DSCAM: variants seen among roughly 807,000 people sequenced by gnomAD.
The protein encoded by DSCAM is cell adhesion molecule DSCAM.
DSCAM carries 47 observed loss-of-function variants against 217.7 expected under a neutral mutation model. That is an observed-to-expected ratio of 0.22 (90% CI 0.17 to 0.28). The LOEUF (loss-of-function observed/expected upper bound fraction) is 0.28. DSCAM is among the 10% of genes least tolerant of loss of function. The pLI, the probability that DSCAM is intolerant of heterozygous loss-of-function variation, is 1.00. For synonymous variants in DSCAM, 1,056 were observed against 1,015.3 expected (o/e 1.04, Z -0.76); for missense variants, 2,080 against 2,618.3 (o/e 0.79, Z 4.49).
chr21:40,423,800 T>C (rs559149906), intron 3 of DSCAM, among the ~76,000 whole-genome samples: 2 of 152,176 alleles, frequency 1.3e-5, no homozygotes, highest in East Asian at 3.9e-4. Context: ...TGATCAGTGA[T>C]GTAACAAAAT....
chr21:40,202,115 C>A (rs191522355), intron 11 of DSCAM, among the ~76,000 whole-genome samples: 1 of 152,156 alleles, frequency 6.6e-6, no homozygotes, highest in Non-Finnish European at 1.5e-5. Flanking sequence ...ACCCATGTGG[C>A]CTATGGAGAG....
intron 3 of DSCAM, among the ~76,000 whole-genome samples, chr21:40,679,169 T>A (rs555269781): frequency 1.3e-5 from 2 of 152,110 alleles, no homozygotes; most frequent in African/African-American, 4.8e-5. Context: ...GAAAAAAATA[T>A]AGAAAAGCAA....
At chr21:40,062,120 G>A (rs565535097) in intron 28 of DSCAM, among the ~76,000 whole-genome samples, 2 of 152,214 alleles carry the variant, frequency 1.3e-5, no homozygotes, top group Non-Finnish European at 2.9e-5. Flanking sequence ...CTGAACATTT[G>A]AAGAGGGGGA....
chr21:40,748,334 A>G (rs1601206531), intron 1 of DSCAM, among the ~76,000 whole-genome samples: 1 of 133,324 alleles, frequency 7.5e-6, no homozygotes, highest in South Asian at 2.4e-4. Flanking sequence ...AAAAGCCTAA[A>G]GACTCCATCA....
intron 10 of DSCAM, among the ~76,000 whole-genome samples, chr21:40,285,950 C>T (rs188979696): frequency 4.8e-4 from 73 of 152,214 alleles, no homozygotes; most frequent in Middle Eastern, 3.4e-3. Flanking sequence ...GGGATCACTG[C>T]TGCTTCAGGA....
At chr21:40,049,992 T>A (rs2088902344) in intron 30 of DSCAM, among the ~76,000 whole-genome samples, 1 of 152,222 alleles carries the variant, frequency 6.6e-6, no homozygotes, top group South Asian at 2.1e-4. Flanking sequence ...CAGAAATGCA[T>A]GTTGCTTTTT....
intron 32 of DSCAM, among the ~76,000 whole-genome samples, chr21:40,035,291 A>G (rs1233262266): frequency 4.0e-5 from 4 of 98,852 alleles, no homozygotes; most frequent in African/African-American, 1.3e-4. Flanking sequence ...AGAGACACAC[A>G]TAGGCTCAAA....
At chr21:40,346,190 G>A (rs990455532) in intron 6 of DSCAM, among the ~76,000 whole-genome samples, 2 of 152,174 alleles carry the variant, frequency 1.3e-5, no homozygotes, top group African/African-American at 4.8e-5. Flanking sequence ...TAGCAAACTG[G>A]TTCTGCACAA....
At chr21:40,482,983 G>T (rs1287474174) in intron 3 of DSCAM, among the ~76,000 whole-genome samples, 1 of 152,140 alleles carries the variant, frequency 6.6e-6, no homozygotes, top group Non-Finnish European at 1.5e-5. Context: ...TGCTGTGGAT[G>T]TAATTATTTT....
intron 10 of DSCAM, among the ~76,000 whole-genome samples, chr21:40,284,685 C>T (rs185894203): frequency 1.1e-4 from 16 of 152,286 alleles, no homozygotes; most frequent in Admixed American, 1.0e-3. Context: ...ACGGGAGAAG[C>T]ATCTTAGTTC....
intron 4 of DSCAM, among the ~76,000 whole-genome samples, chr21:40,364,414 A>G (rs1417386611): frequency 6.6e-6 from 1 of 151,990 alleles, no homozygotes; most frequent in African/African-American, 2.4e-5. Flanking sequence ...CATTCTCAGC[A>G]AACTGTCGCA....
intron 3 of DSCAM, among the ~76,000 whole-genome samples, chr21:40,657,286 C>G (rs2146371659): frequency 6.6e-6 from 1 of 152,290 alleles, no homozygotes; most frequent in Middle Eastern, 3.4e-3. Flanking sequence ...GCCTAATCTT[C>G]TATCCCCAGA....
At chr21:40,359,796 A>G (rs2123669625) in intron 4 of DSCAM, among the ~76,000 whole-genome samples, 1 of 152,308 alleles carries the variant, frequency 6.6e-6, no homozygotes, top group East Asian at 1.9e-4. Flanking sequence ...GGGGATGGAC[A>G]TTGAAATTGG....
At chr21:40,842,800 T>C (rs191284613) in intron 1 of DSCAM, among the ~76,000 whole-genome samples, 3 of 152,040 alleles carry the variant, frequency 2.0e-5, no homozygotes, top group Admixed American at 6.5e-5. Flanking sequence ...GACTCACTGA[T>C]CCCCCGAGGC....
At chr21:40,597,354 G>A (rs546818975) in intron 3 of DSCAM, among the ~76,000 whole-genome samples, 7,745 of 151,428 alleles carry the variant, frequency 0.051, 584 homozygotes, top group African/African-American at 0.16. Context: ...TTCTTCAAAC[G>A]AAATGTCTCC....
intron 3 of DSCAM, among the ~76,000 whole-genome samples, chr21:40,566,038 G>A (rs977365506): frequency 1.3e-5 from 2 of 152,202 alleles, no homozygotes; most frequent in African/African-American, 4.8e-5. Flanking sequence ...AAGTCTAGAC[G>A]TAAGCCAAAC....
chr21:40,727,489 T>C (rs1284334944), intron 1 of DSCAM, among the ~76,000 whole-genome samples: 2 of 152,208 alleles, frequency 1.3e-5, no homozygotes, highest in Non-Finnish European at 2.9e-5. Flanking sequence ...TTCTTAACAG[T>C]TGCCCAACCC....
At chr21:40,367,615 A>G (rs569827157) in intron 4 of DSCAM, among the ~76,000 whole-genome samples, 3 of 152,192 alleles carry the variant, frequency 2.0e-5, no homozygotes, top group Non-Finnish European at 4.4e-5. Context: ...TAAAATTTCA[A>G]TGACAAAAAA....
intron 3 of DSCAM, among the ~76,000 whole-genome samples, chr21:40,482,822 A>G (rs967510682): frequency 1.6e-4 from 24 of 152,176 alleles, no homozygotes; most frequent in Non-Finnish European, 2.9e-4. Flanking sequence ...TTAAAGGTGT[A>G]AAATAGAGAA....
Sources: gnomAD v4.1 joint callset for allele counts (sites outside exome capture counted in the v4.1 genomes callset) on GRCh38, gnomAD v4.1.1 for gene constraint, MANE v1.5 for transcripts, NCBI Gene and HGNC (gene_info 2026-07-23, HGNC 2026-07-21) for gene names.